The following SDCBP variants were observed in gnomAD, a reference collection of about 807,000 sequenced individuals.
The protein encoded by SDCBP is syndecan binding protein.
In SDCBP, 22 loss-of-function variants were observed where a neutral mutation model predicts 30.5. That is an observed-to-expected ratio of 0.72 (90% CI 0.52 to 1.03). The LOEUF (loss-of-function observed/expected upper bound fraction) is 1.03, where lower values mean the gene tolerates loss of function less well. SDCBP is among the 50% of genes least tolerant of loss of function. SDCBP has a pLI of 0.00. For missense variants in SDCBP, 304 were observed against 369.9 expected (o/e 0.82, Z 1.46); for synonymous variants, 103 against 118.7 (o/e 0.87, Z 0.86).
intron 2 of SDCBP, among the ~76,000 whole-genome samples, chr8:58,569,633 G>A (rs1459714782): frequency 6.6e-6 from 1 of 151,550 alleles, no homozygotes; most frequent in Non-Finnish European, 1.5e-5. Context: ...GTCTTTTCAT[G>A]TCTTTATAGT....
intron 2 of SDCBP, among the ~76,000 whole-genome samples, chr8:58,565,631 T>C (rs1804667864): frequency 6.6e-6 from 1 of 152,102 alleles, no homozygotes; most frequent in Non-Finnish European, 1.5e-5. Flanking sequence ...GATTGCAGTA[T>C]TTCTAATTGC....
At chr8:58,572,604 G>A (rs2129608048) in intron 4 of SDCBP, among the ~76,000 whole-genome samples, 2 of 151,982 alleles carry the variant, frequency 1.3e-5, no homozygotes, top group East Asian at 3.9e-4. Context: ...TCTGTTTCTT[G>A]TATTCATTTT....
chr8:58,555,075 C>G lies in SDCBP; in HGVS notation c.-16+1772C>G, dbSNP rs536589890. 2.6e-5 allele frequency among the ~76,000 whole-genome samples: 4 copies of G among 152,290 alleles called. No individual in the cohort carries two copies. In the South Asian group the frequency reaches 8.3e-4, roughly 32 times the overall value. ...ACAAACGTTAACATTTTATATACTG[C>G]TTCACATTTTGCTCTTATTTTTCCA... is the stretch of plus-strand genomic sequence containing the variant. On this transcript the variant is annotated intron_variant, in intron 1 of 8. Coordinates refer to ENST00000260130, the MANE Select transcript of SDCBP (RefSeq NM_005625.4).
chr8:58,580,666 A>G (rs764614773), intron 8 of SDCBP, 58 bp downstream of exon 8: 31 of 900,352 alleles, frequency 3.4e-5, no homozygotes, highest in Non-Finnish European at 5.7e-5. Flanking sequence ...TATAAGCACT[A>G]TACTTTAATT....
At position 58,569,705 on chromosome 8, in the gene SDCBP, A is replaced by G. The variant is rs557242879; in HGVS notation, c.52-1182A>G. ...TGTTAGACATGATTCAAGAAGTAAT[A>G]TAACAAGCCACTAGCTCCTTTTAGC... On this transcript the variant is annotated intron_variant, in intron 2 of 8. Transcript: ENST00000260130. Among the ~76,000 whole-genome samples the G allele has an allele frequency of 3.3e-5, 5 of 152,148 alleles. No homozygotes were observed. In the East Asian group the frequency reaches 9.7e-4, roughly 29 times the overall value.
chr8:58,579,132 C>T (rs1052082327), intron 6 of SDCBP, among the ~76,000 whole-genome samples: 2 of 152,142 alleles, frequency 1.3e-5, no homozygotes, highest in Non-Finnish European at 2.9e-5. Flanking sequence ...CTTACTGCTG[C>T]TCTAGTTTTT....
intron 3 of SDCBP, 26 bp downstream of exon 3, chr8:58,570,991 T>C (rs959334410): frequency 6.7e-7 from 1 of 1,498,140 alleles, no homozygotes; most frequent in African/African-American, 1.4e-5. Flanking sequence ...GAGTTCATTC[T>C]CTGTGAACAG....
At chr8:58,569,779 G>A (rs1804915817) in intron 2 of SDCBP, among the ~76,000 whole-genome samples, 1 of 151,526 alleles carries the variant, frequency 6.6e-6, no homozygotes, top group South Asian at 2.1e-4. Context: ...TTCAATTTGT[G>A]GATTGTTATT....
At chr8:58,556,979 TAATA>T (rs1804155455) in intron 1 of SDCBP, among the ~76,000 whole-genome samples, 1 of 137,782 alleles carries the variant, frequency 7.3e-6, no homozygotes, top group Non-Finnish European at 1.5e-5. Flanking sequence ...ATATATAACA[TAATA>T]TATATTGTAT....
At chr8:58,559,092 A>G (rs995068556) in intron 1 of SDCBP, among the ~76,000 whole-genome samples, 92 of 152,228 alleles carry the variant, frequency 6.0e-4, no homozygotes, top group Non-Finnish European at 8.8e-5. Flanking sequence ...AAAAATTTTG[A>G]AAGTCCATTT....
At chr8:58,569,439 A>C (rs1296488786) in intron 2 of SDCBP, among the ~76,000 whole-genome samples, 1 of 151,972 alleles carries the variant, frequency 6.6e-6, no homozygotes, top group Non-Finnish European at 1.5e-5. Flanking sequence ...GCCTCAAGCA[A>C]CTCTCCAGCT....
intron 3 of SDCBP, among the ~76,000 whole-genome samples, chr8:58,571,213 T>G (rs1341660375): frequency 6.6e-6 from 1 of 152,188 alleles, no homozygotes; most frequent in Non-Finnish European, 1.5e-5. Context: ...GACTTGTAAA[T>G]CCCTAACGTG....
chr8:58,555,156 TTTTGCTGTTACA>T (rs1236928270), intron 1 of SDCBP, among the ~76,000 whole-genome samples: 1 of 152,212 alleles, frequency 6.6e-6, no homozygotes, highest in Non-Finnish European at 1.5e-5. Flanking sequence ...CTTTCAAGTC[TTTTGCTGTTACA>T]CTCAGTGCTG....
rs138799610 is a variant in SDCBP at position 58,572,892 on chromosome 8, C to T, written c.240+578C>T. Among the ~76,000 whole-genome samples the T allele has an allele frequency of 6.1e-3, 901 of 147,792 alleles. 27 individuals are homozygous for T. The highest frequency in any genetic ancestry group is 0.043 in the Admixed American group (628 of 14,638). On this transcript the variant is annotated intron_variant, in intron 4 of 8. Coordinates refer to ENST00000260130, the MANE Select transcript of SDCBP (RefSeq NM_005625.4). ...CGTGATCTCGGCCCACTGCAACCTC[C>T]GCCTCTTGGGTTCAAGCAATTCTCC... is the stretch of plus-strand genomic sequence containing the variant.
intron 1 of SDCBP, among the ~76,000 whole-genome samples, chr8:58,555,729 A>G (rs1460112257): frequency 1.3e-5 from 2 of 151,378 alleles, no homozygotes; most frequent in Non-Finnish European, 2.9e-5. Flanking sequence ...GGTCCAATGG[A>G]CACTTTATTT....
chr8:58,561,714 CA>C (rs1309888082), intron 1 of SDCBP: 6 of 664,836 alleles, frequency 9.0e-6, no homozygotes, highest in Non-Finnish European at 1.6e-5. Context: ...TAAATGGAAA[CA>C]AAAGTATGTT....
chr8:58,578,164 C>G lies in SDCBP; in HGVS notation c.534C>G (p.Leu178=), dbSNP rs1011833881. 15 of 1,602,302 alleles carry G rather than the reference C, an allele frequency of 9.4e-6. No homozygotes were observed. Among genetic ancestry groups the G allele is most frequent in the Admixed American group, 3.5e-5 (2 of 57,310 alleles). ...GWSSDKAHKV[L]KQAFGEKITM... ...GCTCTGATAAAGCGCACAAGGTGCTCAAACAGGCTTTTGGAGAGAAGATTA... is the reference window on the plus strand; with the variant it reads ...GCTCTGATAAAGCGCACAAGGTGCTGAAACAGGCTTTTGGAGAGAAGATTA... Residue 178 remains leucine (L), a synonymous_variant, in exon 6 of 9, where the codon CTC becomes CTG. Transcript: ENST00000260130.
intron 1 of SDCBP, among the ~76,000 whole-genome samples, chr8:58,556,842 A>T (rs1421817758): frequency 1.4e-5 from 2 of 141,108 alleles, no homozygotes; most frequent in South Asian, 2.2e-4. Context: ...TATATATATA[A>T]AATGTATGTA....
chr8:58,570,314 T>C (rs529370342), intron 2 of SDCBP, among the ~76,000 whole-genome samples: 2 of 152,324 alleles, frequency 1.3e-5, no homozygotes, highest in Non-Finnish European at 2.9e-5. Flanking sequence ...CATTACCTTG[T>C]CATCATCGAT....
Sources: gnomAD v4.1 joint callset for allele counts (sites outside exome capture counted in the v4.1 genomes callset) on GRCh38, gnomAD v4.1.1 for gene constraint, MANE v1.5 for transcripts, NCBI Gene and HGNC (gene_info 2026-07-23, HGNC 2026-07-21) for gene names.